TGFBR3: variants seen among roughly 807,000 people sequenced by gnomAD.
TGFBR3 encodes the protein transforming growth factor beta receptor type 3.
Under a neutral mutation model 87.9 loss-of-function variants are expected in TGFBR3, and 46 were observed. The observed-to-expected ratio is 0.52, with a 90% confidence interval of 0.41 to 0.67. TGFBR3 has a LOEUF of 0.67. Among genes scored for constraint, TGFBR3 ranks in the 30% least tolerant of loss-of-function variants. The pLI, the probability that TGFBR3 is intolerant of heterozygous loss-of-function variation, is 0.00. For synonymous variants in TGFBR3, 381 were observed against 391.6 expected (o/e 0.97, Z 0.32); for missense variants, 866 against 1,041.9 (o/e 0.83, Z 2.32).
At chr1:91,833,923 G>A (rs888397861) in intron 2 of TGFBR3, among the ~76,000 whole-genome samples, 2 of 151,980 alleles carry the variant, frequency 1.3e-5, no homozygotes, top group Non-Finnish European at 2.9e-5. Context: ...AAAAAAGGAG[G>A]TCCAGATTTC....
chr1:91,689,952 G>C (rs1671215466), intron 16 of TGFBR3, among the ~76,000 whole-genome samples: 1 of 151,050 alleles, frequency 6.6e-6, no homozygotes. Context: ...GACAGTAAAT[G>C]GACTTTTAAA....
intron 4 of TGFBR3, among the ~76,000 whole-genome samples, chr1:91,737,146 G>T (rs747500135): frequency 6.6e-6 from 1 of 152,026 alleles, no homozygotes; most frequent in Non-Finnish European, 1.5e-5. Context: ...ATACACTCAG[G>T]GCTGAGGAAT....
At chr1:91,866,947 A>G (rs1267289755) in intron 1 of TGFBR3, 1 of 152,262 alleles carries the variant, frequency 6.6e-6, no homozygotes, top group East Asian at 1.9e-4. Context: ...TACAGAGAAC[A>G]GACTGAAGGG....
intron 2 of TGFBR3, among the ~76,000 whole-genome samples, chr1:91,844,746 G>C (rs1050558186): frequency 6.6e-6 from 1 of 152,118 alleles, no homozygotes; most frequent in African/African-American, 2.4e-5. Flanking sequence ...TATACAAGTA[G>C]GTCTTGTTAT....
intron 16 of TGFBR3, among the ~76,000 whole-genome samples, chr1:91,695,262 T>C (rs1442708465): frequency 2.6e-5 from 4 of 152,240 alleles, no homozygotes; most frequent in African/African-American, 7.2e-5. Context: ...AGGACTCTGA[T>C]GGACAGTGCT....
intron 2 of TGFBR3, among the ~76,000 whole-genome samples, chr1:91,824,771 C>T (rs545883533): frequency 1.3e-5 from 2 of 152,180 alleles, no homozygotes; most frequent in East Asian, 3.9e-4. Flanking sequence ...ACCAGCCTGG[C>T]CAAGATGATG....
intron 3 of TGFBR3, among the ~76,000 whole-genome samples, chr1:91,772,061 A>G (rs541100555): frequency 3.1e-4 from 47 of 152,308 alleles, no homozygotes; most frequent in South Asian, 2.1e-4. Flanking sequence ...AATACAAAAA[A>G]GAATAAAGAA....
intron 3 of TGFBR3, among the ~76,000 whole-genome samples, chr1:91,792,247 G>A (rs1675222064): frequency 6.6e-6 from 1 of 151,936 alleles, no homozygotes; most frequent in East Asian, 1.9e-4. Context: ...TTACACTGTT[G>A]GTATGCCTGT....
intron 16 of TGFBR3, among the ~76,000 whole-genome samples, chr1:91,689,337 G>C (rs564702495): frequency 6.6e-6 from 1 of 152,258 alleles, no homozygotes; most frequent in South Asian, 2.1e-4. Context: ...GTTTCTGCCT[G>C]AGCCAATCTG....
At chr1:91,789,489 C>T (rs1012007627) in intron 3 of TGFBR3, among the ~76,000 whole-genome samples, 2 of 152,200 alleles carry the variant, frequency 1.3e-5, no homozygotes, top group Non-Finnish European at 2.9e-5. Flanking sequence ...GGCAACTTTA[C>T]AGCATCTGGA....
At position 91,901,365 on chromosome 1, in the gene TGFBR3, A is replaced by G. The variant is rs115282963; in HGVS notation, c.-174-1668T>C. 6.2e-3 allele frequency among the ~76,000 whole-genome samples: 937 copies of G among 152,324 alleles called. 15 individuals carry two copies. The highest frequency in any genetic ancestry group is 0.022 in the African/African-American group (899 of 41,558). ...TGGAAGAAAAGGATAGTCAGAAGTAATATCTGAAAATATGCAATGAATGGA... is the reference window on the plus strand; with the variant it reads ...TGGAAGAAAAGGATAGTCAGAAGTAGTATCTGAAAATATGCAATGAATGGA... On this transcript the variant is annotated intron_variant, in intron 1 of 17. Coordinates refer to the TGFBR3 transcript ENST00000370399.
At chr1:91,688,028 G>C (rs1045272036) in intron 16 of TGFBR3, among the ~76,000 whole-genome samples, 8 of 152,108 alleles carry the variant, frequency 5.3e-5, no homozygotes, top group African/African-American at 1.9e-4. Context: ...CTTTAATTTA[G>C]AGAAGTCTTC....
At chr1:91,718,495 AG>A (rs1672253838) in intron 10 of TGFBR3, among the ~76,000 whole-genome samples, 1 of 150,750 alleles carries the variant, frequency 6.6e-6, no homozygotes, top group African/African-American at 2.4e-5. Context: ...CCTGTGTCAA[AG>A]GTGGACACAG....
intron 8 of TGFBR3, 139 bp from the exon 9 acceptor site, chr1:91,720,369 T>C: frequency 2.4e-6 from 2 of 837,718 alleles, no homozygotes; most frequent in Non-Finnish European, 3.9e-6. Flanking sequence ...TAAAGGTCAT[T>C]AGAAGTCTAG....
rs377741373 is a variant in TGFBR3 at position 91,798,674 on chromosome 1, C to T, written c.62-1203G>A. Among the ~76,000 whole-genome samples the T allele has an allele frequency of 7.9e-5, 12 of 152,168 alleles. No individual in the cohort carries two copies. The East Asian group carries it at 1.2e-3, about 15-fold the overall frequency. Reference sequence around the variant, plus strand: ...ATCCATCTTTATTGGTCGAATGTGACCTCTCTGAGGGCTGTGGGTACTCAT... The same window carrying T: ...ATCCATCTTTATTGGTCGAATGTGATCTCTCTGAGGGCTGTGGGTACTCAT... On this transcript the variant is annotated intron_variant, in intron 2 of 16. Transcript: ENST00000212355.
intron 16 of TGFBR3, among the ~76,000 whole-genome samples, chr1:91,692,338 A>C (rs1671294821): frequency 6.6e-6 from 1 of 152,200 alleles, no homozygotes; most frequent in Non-Finnish European, 1.5e-5. Context: ...TAAGCGCCAA[A>C]AATAATGCTC....
At chr1:91,900,783 CTCAAAGTA>C (rs1308537187) in intron 1 of TGFBR3, among the ~76,000 whole-genome samples, 2 of 152,230 alleles carry the variant, frequency 1.3e-5, no homozygotes, top group African/African-American at 2.4e-5. Context: ...TTTACAGTGT[CTCAAAGTA>C]TCAAAGACTA....
chr1:91,740,526 G>A (rs1487945548), intron 4 of TGFBR3, among the ~76,000 whole-genome samples: 6 of 151,800 alleles, frequency 4.0e-5, no homozygotes, highest in Admixed American at 1.3e-4. Flanking sequence ...CATCAGGCCC[G>A]GCTAATTTTT....
chr1:91,796,050 A>G (rs1344903607), intron 3 of TGFBR3, among the ~76,000 whole-genome samples: 2 of 152,202 alleles, frequency 1.3e-5, no homozygotes, highest in Non-Finnish European at 2.9e-5. Flanking sequence ...ACCAGAAGAA[A>G]GCTCAAAGAT....
Sources: allele counts gnomAD v4.1 joint callset (sites outside exome capture counted in the v4.1 genomes callset), GRCh38; gene constraint gnomAD v4.1.1; transcripts MANE v1.5; gene names NCBI Gene and HGNC (gene_info 2026-07-23, HGNC 2026-07-21).